ABCB1: variants seen among roughly 807,000 people sequenced by gnomAD.
The protein encoded by ABCB1 is ATP-dependent translocase ABCB1.
ABCB1 carries 69 observed loss-of-function variants against 142.0 expected under a neutral mutation model. The observed-to-expected ratio is 0.49, with a 90% CI of 0.40 to 0.59. ABCB1 has a LOEUF of 0.59. Ranked by LOEUF, ABCB1 falls within the 20% of genes least tolerant of loss-of-function variation. The pLI, the probability that ABCB1 is intolerant of heterozygous loss-of-function variation, is 0.00. For synonymous variants in ABCB1, 532 were observed against 539.2 expected, an observed-to-expected ratio of 0.99 and a Z score of 0.18; for missense variants, 1,326 against 1,554.7, an observed-to-expected ratio of 0.85 and a Z score of 2.47.
chr7:87,628,588 TGTGTGTGTGTGTGTGTGTGTG>T lies in ABCB1; in HGVS notation c.-330-27531_-330-27511del. On this transcript the variant is annotated intron_variant, in intron 1 of 28. Transcript: ENST00000265724. Reference sequence around the variant, plus strand: ...GGCGGAGGTGGTGCGTGCGTGCGTGTGTGTGTGTGTGTGTGTGTGTGTGTGTGTGTGTGTGTGGAGCTCGGG... The same window carrying T: ...GGCGGAGGTGGTGCGTGCGTGCGTGTTGTGTGTGTGTGTGTGGAGCTCGGG... The T allele has an allele frequency of 1.3e-4, 4 of 29,724 alleles. No individual in the cohort carries two copies. The Admixed American group carries it at 1.9e-3, about 14-fold the overall frequency. 1.8% of individuals were successfully genotyped at this position (29,724 alleles called of 1,614,324 possible).
intron 1 of ABCB1, among the ~76,000 whole-genome samples, chr7:87,709,891 C>T (rs188696380): frequency 7.9e-5 from 12 of 152,162 alleles, no homozygotes; most frequent in African/African-American, 1.4e-4. Flanking sequence ...ATAGAAAGTC[C>T]GTAAGAAAAT....
chr7:87,550,199 TGCATCA>T lies in ABCB1; in HGVS notation c.1316_1321del (p.Leu439_Met440del). On this transcript the variant is annotated inframe_deletion, in exon 12 of 28. Coordinates refer to ENST00000622132, the MANE Select transcript of ABCB1 (RefSeq NM_001348946.2). ...CCCCTCTGTGGGGTCATAGAGCCTC[TGCATCA>T]GCTGGACTGTTGTGCTCTTCCCACA... is the stretch of plus-strand genomic sequence containing the variant. 6.2e-7 allele frequency: 1 copy of T among 1,614,232 alleles called. No homozygotes were observed. The highest frequency in any genetic ancestry group is 2.2e-5 in the East Asian group (1 of 44,890).
chr7:87,556,716 T>C (rs1278306994), intron 8 of ABCB1, among the ~76,000 whole-genome samples: 1 of 152,162 alleles, frequency 6.6e-6, no homozygotes, highest in African/African-American at 2.4e-5. Context: ...CATCCATTCA[T>C]GAGACCCATT....
At chr7:87,523,789 C>T (rs78369849) in intron 21 of ABCB1, among the ~76,000 whole-genome samples, 2 of 152,078 alleles carry the variant, frequency 1.3e-5, no homozygotes, top group Non-Finnish European at 2.9e-5. Context: ...CTACATCAGC[C>T]GCACCACCTT....
chr7:87,547,553 C>T (rs1816838405), intron 14 of ABCB1, among the ~76,000 whole-genome samples: 1 of 151,498 alleles, frequency 6.6e-6, no homozygotes, highest in Admixed American at 6.6e-5. Flanking sequence ...GATAGTGAGA[C>T]CTCATCTCTA....
chr7:87,630,692 T>C (rs925382304), intron 1 of ABCB1, among the ~76,000 whole-genome samples: 1 of 151,848 alleles, frequency 6.6e-6, no homozygotes, highest in African/African-American at 2.4e-5. Flanking sequence ...CTTAGTCTTT[T>C]TTTTTTTTTC....
Position 87,703,885 on chromosome 7 carries a change from C to CT in ABCB1, c.-331+9275dup. Among the ~76,000 whole-genome samples the CT allele has an allele frequency of 5.4e-3, 325 of 60,320 alleles. 3 individuals are homozygous for CT. Among genetic ancestry groups the CT allele is most frequent in the East Asian group, 0.01 (20 of 1,970 alleles). The allele number at this position is 60,320 out of a possible 152,430, so 39.6% of individuals were successfully genotyped here. A position where few individuals can be genotyped will look rare whatever the true frequency, so the allele number is the denominator to read the frequency against. ...CTTAGGTGAGCTTTATCAGTTTTTT[C>CT]TTTTTTTTTTTTTTTTTTTTTTTTT... is the stretch of plus-strand genomic sequence containing the variant. On this transcript the variant is annotated intron_variant, in intron 1 of 28. Coordinates refer to the ABCB1 transcript ENST00000265724.
Position 87,531,383 on chromosome 7 carries a change from G to A in ABCB1, c.2596C>T (p.Pro866Ser), listed in dbSNP as rs778283893. ...ACAACTCCTGCTATTGCAATGATGG[G>A]TACAATTGCTAAGAGTAACAGTGTT... ...QLTLLLLAIV[P>S]IIAIAGVVEM... The change falls in exon 21 of 28, where the codon CCC (proline) becomes TCC (serine). Residue 866 changes from proline (P) to serine (S), a missense_variant. Transcript: ENST00000622132. 2 of 1,613,222 alleles carry A rather than the reference G, an allele frequency of 1.2e-6. No homozygotes were observed. Among genetic ancestry groups the A allele is most frequent in the East Asian group, 2.2e-5 (1 of 44,782 alleles).
chr7:87,543,882 C>G (rs1816653416), intron 17 of ABCB1, among the ~76,000 whole-genome samples: 3 of 152,198 alleles, frequency 2.0e-5, no homozygotes, highest in African/African-American at 7.2e-5. Context: ...CTTTCATTGA[C>G]TATTTCAGGA....
chr7:87,554,991 A>T (rs1199758810), intron 8 of ABCB1, among the ~76,000 whole-genome samples: 1 of 152,246 alleles, frequency 6.6e-6, no homozygotes, highest in Non-Finnish European at 1.5e-5. Context: ...CTAATGACTT[A>T]CAGGTTATTC....
At chr7:87,578,547 T>C (rs1191580159) in intron 4 of ABCB1, among the ~76,000 whole-genome samples, 1 of 152,226 alleles carries the variant, frequency 6.6e-6, no homozygotes. Context: ...TCAATGAACA[T>C]GGAGTATCTT....
chr7:87,710,592 C>T (rs957703883), intron 1 of ABCB1: 23 of 1,597,264 alleles, frequency 1.4e-5, no homozygotes, highest in Non-Finnish European at 1.9e-5. Flanking sequence ...ATCAGAGTAG[C>T]ACTCATGGAA....
chr7:87,627,932 C>G (rs1448854944), intron 1 of ABCB1: 1 of 152,342 alleles, frequency 6.6e-6, no homozygotes, highest in Non-Finnish European at 1.5e-5. Context: ...ACGAGCAATT[C>G]CCCCCTCGGG....
chr7:87,660,685 G>T lies in ABCB1; in HGVS notation c.-331+52476C>A, dbSNP rs866961679. 3.3e-5 allele frequency among the ~76,000 whole-genome samples: 5 copies of T among 151,796 alleles called. No individual in the cohort carries two copies. In the South Asian group the frequency reaches 6.2e-4, roughly 19 times the overall value. On this transcript the variant is annotated intron_variant, in intron 1 of 28. Coordinates refer to the ABCB1 transcript ENST00000265724. ...TCTTCTTTGGCTCTATTATGTTTAT[G>T]TTGGACTCTTAGCAGATTAATTTTC...
chr7:87,631,837 G>T (rs977822043), intron 1 of ABCB1, among the ~76,000 whole-genome samples: 5 of 151,956 alleles, frequency 3.3e-5, no homozygotes, highest in Admixed American at 6.6e-5. Flanking sequence ...CTTTCCATTT[G>T]TTCATTTTTG....
intron 27 of ABCB1, 146 bp downstream of exon 27, chr7:87,505,751 C>A: frequency 2.0e-6 from 2 of 975,704 alleles, no homozygotes; most frequent in Non-Finnish European, 3.1e-6. Flanking sequence ...TCCTGAATAA[C>A]AGCTACAGAA....
chr7:87,520,980 T>A, intron 21 of ABCB1, 104 bp from the exon 22 acceptor site: 2 of 855,104 alleles, frequency 2.3e-6, no homozygotes, highest in Non-Finnish European at 3.8e-6. Context: ...TGATTACATA[T>A]TTATTATTAT....
At chr7:87,598,389 G>A (rs938719074) in intron 2 of ABCB1, among the ~76,000 whole-genome samples, 2 of 152,168 alleles carry the variant, frequency 1.3e-5, no homozygotes, top group African/African-American at 2.4e-5. Context: ...AAATCCAAGT[G>A]ATGAGTCATT....
At chr7:87,524,278 T>C (rs979465644) in intron 21 of ABCB1, among the ~76,000 whole-genome samples, 20 of 152,248 alleles carry the variant, frequency 1.3e-4, no homozygotes, top group Admixed American at 1.3e-3. Context: ...CACAAGATAC[T>C]TAGAAAATTA....
Sources: gnomAD v4.1 joint callset for allele counts (sites outside exome capture counted in the v4.1 genomes callset) on GRCh38, gnomAD v4.1.1 for gene constraint, MANE v1.5 for transcripts, NCBI Gene and HGNC (gene_info 2026-07-23, HGNC 2026-07-21) for gene names.